Variants in TMX1 observed in about 807,000 individuals in gnomAD.
TMX1 encodes thioredoxin related transmembrane protein 1, also known as thioredoxin-related transmembrane protein 1.
In TMX1, 25 loss-of-function variants were observed where a neutral mutation model predicts 36.6. That is an observed-to-expected ratio of 0.68 (90% CI 0.50 to 0.95). TMX1 has a LOEUF of 0.95. Among genes scored for constraint, TMX1 ranks in the 40% least tolerant of loss-of-function variants. The pLI is 0.00. For synonymous variants in TMX1, 133 were observed against 118.0 expected, an observed-to-expected ratio of 1.13 and a Z score of -0.82; for missense variants, 347 against 339.6, an observed-to-expected ratio of 1.02 and a Z score of -0.17.
intron 2 of TMX1, among the ~76,000 whole-genome samples, chr14:51,244,707 T>C (rs536397668): frequency 6.6e-6 from 1 of 152,304 alleles, no homozygotes; most frequent in East Asian, 1.9e-4. Context: ...TTGCCTATTA[T>C]AGCACTCTTC....
intron 4 of TMX1, among the ~76,000 whole-genome samples, chr14:51,248,624 C>G (rs1490144630): frequency 6.6e-6 from 1 of 152,180 alleles, no homozygotes; most frequent in Non-Finnish European, 1.5e-5. Flanking sequence ...GAAATCTCAT[C>G]TCATAAATGA....
intron 3 of TMX1, 130 bp from the exon 4 acceptor site, chr14:51,246,962 C>A: frequency 1.4e-6 from 1 of 709,898 alleles, no homozygotes; most frequent in Non-Finnish European, 2.1e-6. Flanking sequence ...GTATAATTTG[C>A]TATTAATACT....
At chr14:51,245,570 A>T in intron 3 of TMX1, 2 of 1,270,194 alleles carry the variant, frequency 1.6e-6, no homozygotes, top group Non-Finnish European at 2.1e-6. Context: ...AAAGATTTAC[A>T]GTTGTTTTGG....
chr14:51,245,553 T>TGA, intron 3 of TMX1, 195 bp downstream of exon 3: 1 of 1,356,620 alleles, frequency 7.4e-7, no homozygotes, highest in South Asian at 1.3e-5. Context: ...AAACAGTCTC[T>TGA]GTTCTCAAAG....
chr14:51,249,535 T>C lies in TMX1; in HGVS notation c.557T>C (p.Leu186Ser), dbSNP rs1390704461. The C allele has an allele frequency of 1.2e-6, 2 of 1,613,978 alleles. No homozygotes were observed. The highest frequency in any genetic ancestry group is 8.5e-7 in the Non-Finnish European group (1 of 1,179,918). The change falls in exon 6 of 8, where the codon TTA becomes TCA. Residue 186 changes from leucine (L) to serine (S), a missense_variant. Transcript: ENST00000457354. Reference sequence around the variant, plus strand: ...TGGGGATCATATACTGTTTTTGCTTTAGCAACTCTGTTTTCCGGACTGTTA... The same window carrying C: ...TGGGGATCATATACTGTTTTTGCTTCAGCAACTCTGTTTTCCGGACTGTTA... ...PVWGSYTVFA[L>S]ATLFSGLLLG...
In TMX1 at chr14:51,243,951, T is replaced by C. The variant is rs751459595; in HGVS notation, c.248T>C (p.Val83Ala). 6.2e-7 allele frequency: 1 copy of C among 1,610,654 alleles called. No individual in the cohort carries two copies. Among genetic ancestry groups the C allele is most frequent in the Non-Finnish European group, 8.5e-7 (1 of 1,178,406 alleles). The change falls in exon 2 of 8, where the codon GTA becomes GCA. Residue 83 changes from valine to alanine, a missense_variant. Transcript: ENST00000457354. ...GEDLEVNIAK[V>A]DVTEQPGLSG... ...GATCTTGAGGTTAATATTGCGAAAG[T>C]AGATGTCACAGAGCAGCCAGGTACT...
Position 51,247,205 on chromosome 14 carries a change from G to A in TMX1, c.428G>A (p.Gly143Asp). ...ATTGAGCCCGTTTCATCATGGTTTG[G>A]TCCAGGTTCTGTTCTGTAAGTATGA... is the stretch of plus-strand genomic sequence containing the variant. Reference protein sequence around the residue: ...KSIEPVSSWFGPGSVLMSSMS... With the variant: ...KSIEPVSSWFDPGSVLMSSMS... The change falls in exon 4 of 8, where the codon GGT (glycine) becomes GAT (aspartate). Residue 143 changes from glycine to aspartate, a missense_variant. Physicochemically the swap from Gly to Asp is moderately conservative, Grantham distance 94 (BLOSUM62 -1). Transcript: ENST00000457354. The A allele has an allele frequency of 6.2e-7, 1 of 1,613,112 alleles. No homozygotes were observed.
chr14:51,243,594 A>C (rs1269369565), intron 1 of TMX1, among the ~76,000 whole-genome samples: 1 of 152,172 alleles, frequency 6.6e-6, no homozygotes, highest in African/African-American at 2.4e-5. Context: ...TTTTCTAAAG[A>C]GCTGTTTTGC....
intron 4 of TMX1, among the ~76,000 whole-genome samples, chr14:51,248,819 G>T (rs554421544): frequency 2.4e-4 from 36 of 152,066 alleles, no homozygotes; most frequent in Non-Finnish European, 4.3e-4. Flanking sequence ...TAATAATTTT[G>T]TATATCATTA....
chr14:51,242,770 C>G (rs1002317141), intron 1 of TMX1, among the ~76,000 whole-genome samples: 1 of 151,988 alleles, frequency 6.6e-6, no homozygotes, highest in African/African-American at 2.4e-5. Flanking sequence ...AAGCGAGACC[C>G]TGTTTCAAAA....
At chr14:51,246,219 C>T (rs977799280) in intron 3 of TMX1, among the ~76,000 whole-genome samples, 1 of 152,128 alleles carries the variant, frequency 6.6e-6, no homozygotes, top group East Asian at 1.9e-4. Context: ...TCTCCCTTTG[C>T]TTTTCACTTC....
chr14:51,241,058 C>T (rs2065758577), intron 1 of TMX1, among the ~76,000 whole-genome samples: 1 of 151,946 alleles, frequency 6.6e-6, no homozygotes, highest in Non-Finnish European at 1.5e-5. Flanking sequence ...TTTCACTCCT[C>T]ATCTCATTTT....
rs1211009901 is a variant in TMX1, at chr14:51,249,331, G to C, written c.449G>C (p.Ser150Thr). ...ATCATCTCTTTTATTTTTAGGATGA[G>C]TAGTATGTCAGCACTCTTTCAGCTA... ...SWFGPGSVLMSSMSALFQLSM... is the reference protein window; with the variant it reads ...SWFGPGSVLMTSMSALFQLSM... Residue 150 changes from serine (S) to threonine (T), a missense_variant, in exon 5 of 8, where the codon AGT (serine) becomes ACT (threonine). Coordinates refer to ENST00000457354, the MANE Select transcript of TMX1 (RefSeq NM_030755.5). 1.2e-6 allele frequency: 2 copies of C among 1,603,642 alleles called. No individual in the cohort carries two copies. The highest frequency in any genetic ancestry group is 2.7e-5 in the African/African-American group (2 of 74,040).
chr14:51,253,074 TA>T (rs775209926), intron 7 of TMX1, among the ~76,000 whole-genome samples: 95 of 152,186 alleles, frequency 6.2e-4, no homozygotes, highest in Non-Finnish European at 9.1e-4. Flanking sequence ...TACACCCACC[TA>T]TTTTTTGGAG....
At chr14:51,246,321 G>A (rs1017580324) in intron 3 of TMX1, among the ~76,000 whole-genome samples, 1 of 151,878 alleles carries the variant, frequency 6.6e-6, no homozygotes, top group Non-Finnish European at 1.5e-5. Flanking sequence ...CCTGCCTGTC[G>A]AAATCTTACC....
intron 1 of TMX1, among the ~76,000 whole-genome samples, chr14:51,243,115 A>G (rs1317367585): frequency 1.3e-5 from 2 of 151,722 alleles, no homozygotes; most frequent in South Asian, 4.2e-4. Context: ...AAAAAAAAGA[A>G]CAACCCTGTG....
intron 7 of TMX1, among the ~76,000 whole-genome samples, chr14:51,251,865 C>A (rs2065815735): frequency 6.6e-6 from 1 of 152,142 alleles, no homozygotes. Context: ...GTCTGAGGAC[C>A]ACTATTTGAG....
intron 1 of TMX1, among the ~76,000 whole-genome samples, chr14:51,240,712 A>G (rs989018750): frequency 2.0e-5 from 3 of 152,204 alleles, no homozygotes; most frequent in Admixed American, 1.3e-4. Flanking sequence ...GTTAGTGCCA[A>G]TGCGAATTCT....
intron 7 of TMX1, among the ~76,000 whole-genome samples, chr14:51,253,373 G>T (rs539586165): frequency 6.6e-6 from 1 of 152,350 alleles, no homozygotes; most frequent in Non-Finnish European, 1.5e-5. Context: ...ACCGCCTGGG[G>T]TGTGGCATAG....
Sources: gnomAD v4.1 joint callset for allele counts (sites outside exome capture counted in the v4.1 genomes callset) on GRCh38, gnomAD v4.1.1 for gene constraint, MANE v1.5 for transcripts, NCBI Gene and HGNC (gene_info 2026-07-23, HGNC 2026-07-21) for gene names.